Variants in AGMO observed in about 807,000 individuals in gnomAD.
The protein encoded by AGMO is glyceryl-ether monooxygenase.
In AGMO, 75 loss-of-function variants were observed where a neutral mutation model predicts 60.2. The observed-to-expected ratio is 1.25, with a 90% CI of 1.03 to 1.51. AGMO has a LOEUF of 1.51. Ranked by LOEUF, AGMO falls within the 40% of genes most tolerant of loss-of-function variation. The probability of loss-of-function intolerance (pLI) is 0.00; values close to 1 mark genes in which losing one functional copy is unlikely to be tolerated. For missense variants in AGMO, 763 were observed against 525.5 expected, an observed-to-expected ratio of 1.45 and a Z score of -4.42; for synonymous variants, 261 against 177.1, an observed-to-expected ratio of 1.47 and a Z score of -3.76.
chr7:15,119,762 CT>C, the AGMO span, among the ~76,000 whole-genome samples: 1 of 152,060 alleles, frequency 6.6e-6, no homozygotes, highest in Admixed American at 6.6e-5. Context: ...TAACTAGACA[CT>C]TTTTCCCCTA....
chr7:15,338,470 A>C (rs943622486), intron 12 of AGMO, among the ~76,000 whole-genome samples: 8 of 131,596 alleles, frequency 6.1e-5, no homozygotes, highest in African/African-American at 9.2e-5. Flanking sequence ...CTCTGATCTT[A>C]TTTAATTTAA....
intron 12 of AGMO, among the ~76,000 whole-genome samples, chr7:15,339,156 A>C (rs983755713): frequency 5.9e-5 from 9 of 152,186 alleles, no homozygotes; most frequent in African/African-American, 2.2e-4. Flanking sequence ...AAGTCCTACA[A>C]GAGAGATGGG....
chr7:15,318,922 C>T (rs547176920), intron 12 of AGMO, among the ~76,000 whole-genome samples: 1 of 152,190 alleles, frequency 6.6e-6, no homozygotes, highest in East Asian at 1.9e-4. Context: ...TTTCTTGTGA[C>T]GAATCTTACT....
chr7:15,544,719 G>A, intron 3 of AGMO, 53 bp downstream of exon 3: 1 of 1,396,506 alleles, frequency 7.2e-7, no homozygotes, highest in Non-Finnish European at 9.5e-7. Flanking sequence ...TATGTACTAT[G>A]TACCAAACAC....
rs772902464 is a variant in AGMO at position 15,544,855 on chromosome 7, A to T, written c.326T>A (p.Leu109Ter). ...YIWENYRLFNLPWDSPWTWYS... is the reference protein window; with the variant it reads ...YIWENYRLFN ...CCAAGTCCATGGAGAATCCCAAGGC[A>T]AATTGAACAGCCTGTAGTTCTCCCA... Residue 109 changes from leucine to a stop codon, truncating the protein, a stop_gained, in exon 3 of 13, where the codon TTG becomes TAG. Transcript: ENST00000342526. LOFTEE classifies it high-confidence loss of function. 6.2e-7 allele frequency: 1 copy of T among 1,609,136 alleles called. No homozygotes were observed.
At chr7:15,429,910 A>G (rs1781178617) in intron 4 of AGMO, among the ~76,000 whole-genome samples, 1 of 152,076 alleles carries the variant, frequency 6.6e-6, no homozygotes, top group African/African-American at 2.4e-5. Context: ...TGATGATCAG[A>G]AAAGATAACA....
rs1156515503 is a variant in AGMO, at chr7:15,200,614, C to T, written c.*671G>A. 1 of 152,788 alleles carries T rather than the reference C, an allele frequency of 6.5e-6. No individual in the cohort carries two copies. The highest frequency in any genetic ancestry group is 6.5e-5 in the Admixed American group (1 of 15,284). 9.5% of individuals were successfully genotyped at this position (152,788 alleles called of 1,614,324 possible). ...GTTCAAGCGATTCTCCTGCCTCAGC[C>T]TCCAGAGTAGCTGGGACTACAGGCG... On this transcript the variant is annotated 3_prime_UTR_variant, in exon 13 of 13. Coordinates refer to ENST00000342526, the MANE Select transcript of AGMO (RefSeq NM_001004320.2).
intron 12 of AGMO, among the ~76,000 whole-genome samples, chr7:15,237,196 A>G (rs1037259052): frequency 2.0e-5 from 3 of 152,122 alleles, no homozygotes; most frequent in African/African-American, 7.2e-5. Context: ...AGCAGATTCC[A>G]GAAGCAGCAG....
chr7:15,170,361 T>A, the AGMO span, among the ~76,000 whole-genome samples: 1 of 127,240 alleles, frequency 7.9e-6, no homozygotes. Flanking sequence ...AGAAATTTTG[T>A]AGTTGTTTAT....
intron 12 of AGMO, among the ~76,000 whole-genome samples, chr7:15,335,938 T>C (rs1474558917): frequency 1.3e-5 from 2 of 152,082 alleles, no homozygotes; most frequent in Non-Finnish European, 1.5e-5. Context: ...CAGAGAGAAA[T>C]CAGTTTAACT....
chr7:15,361,129 C>G (rs1583456778), intron 12 of AGMO, among the ~76,000 whole-genome samples: 1 of 152,236 alleles, frequency 6.6e-6, no homozygotes, highest in South Asian at 2.1e-4. Flanking sequence ...GAAGCAGCGT[C>G]TCTCCACAGT....
At chr7:15,276,143 A>AC (rs1783779420) in intron 12 of AGMO, among the ~76,000 whole-genome samples, 1 of 152,036 alleles carries the variant, frequency 6.6e-6, no homozygotes, top group Non-Finnish European at 1.5e-5. Context: ...GAACTTATGT[A>AC]ATGTCTTTTT....
intron 5 of AGMO, among the ~76,000 whole-genome samples, chr7:15,402,739 G>A (rs1475917299): frequency 6.7e-6 from 1 of 148,564 alleles, no homozygotes; most frequent in Non-Finnish European, 1.5e-5. Flanking sequence ...CTACCAATAA[G>A]GGTTTTCTAT....
At position 15,390,726 on chromosome 7, in the gene AGMO, T is replaced by C; in HGVS notation, c.767A>G (p.Lys256Arg). ...GGGATGTGTTAAGCCATATACAACT[T>C]TTTCATTTTCTGCTTCAAATGTCCC... is the stretch of plus-strand genomic sequence containing the variant. ...IFGTFEAENE[K>R]VVYGLTHPIN... Residue 256 changes from lysine (K) to arginine (R), a missense_variant, in exon 8 of 13, where the codon AAA becomes AGA. Physicochemically the swap from Lys to Arg is conservative, Grantham distance 26. Coordinates refer to ENST00000342526, the MANE Select transcript of AGMO (RefSeq NM_001004320.2). 6.2e-7 allele frequency: 1 copy of C among 1,611,550 alleles called. No homozygotes were observed.
At chr7:15,530,839 T>C (rs1321443518) in intron 3 of AGMO, among the ~76,000 whole-genome samples, 1 of 140,074 alleles carries the variant, frequency 7.1e-6, no homozygotes, top group East Asian at 2.0e-4. Context: ...ATATTCTATA[T>C]ATATATATTC....
chr7:15,531,182 TCTATATATA>T (rs1784326276), intron 3 of AGMO, among the ~76,000 whole-genome samples: 1 of 91,896 alleles, frequency 1.1e-5, no homozygotes, highest in African/African-American at 4.6e-5. Flanking sequence ...TTCTATATAT[TCTATATATA>T]TTCTATATAT....
At chr7:15,188,163 A>G in the AGMO span, among the ~76,000 whole-genome samples, 3 of 152,152 alleles carry the variant, frequency 2.0e-5, no homozygotes, top group African/African-American at 7.2e-5. Context: ...ACTTCAATGG[A>G]TGAATACTAT....
intron 12 of AGMO, among the ~76,000 whole-genome samples, chr7:15,278,833 A>G (rs890403846): frequency 3.0e-4 from 46 of 152,096 alleles, no homozygotes; most frequent in African/African-American, 1.1e-3. Context: ...TCTCAGAGGA[A>G]CACCAGGCTG....
intron 12 of AGMO, among the ~76,000 whole-genome samples, chr7:15,338,422 C>A (rs1049971777): frequency 6.6e-6 from 1 of 151,734 alleles, no homozygotes; most frequent in African/African-American, 2.4e-5. Flanking sequence ...AAAAATTTTG[C>A]AGATAAGTTT....
Sources: allele counts gnomAD v4.1 joint callset (sites outside exome capture counted in the v4.1 genomes callset), GRCh38; gene constraint gnomAD v4.1.1; transcripts MANE v1.5; gene names NCBI Gene and HGNC (gene_info 2026-07-23, HGNC 2026-07-21).